Variants in SMG1 observed in about 807,000 individuals in gnomAD.
The protein encoded by SMG1 is serine/threonine-protein kinase SMG1.
A neutral mutation model predicts 419.9 loss-of-function variants in SMG1; 22 were observed. The ratio of observed to expected loss-of-function variants is 0.05; its 90% CI spans 0.04 to 0.07. The LOEUF (loss-of-function observed/expected upper bound fraction) is 0.07. Among genes scored for constraint, SMG1 ranks in the 10% least tolerant of loss-of-function variants. The pLI is 1.00. For synonymous variants in SMG1, 1,538 were observed against 1,553.5 expected, an observed-to-expected ratio of 0.99 and a Z score of 0.23; for missense variants, 3,185 against 4,342.0, an observed-to-expected ratio of 0.73 and a Z score of 7.49.
chr16:18,872,372 T>C (rs1305241614), intron 14 of SMG1, 27 bp from the exon 15 acceptor site: 1 of 1,537,612 alleles, frequency 6.5e-7, no homozygotes, highest in Non-Finnish European at 8.7e-7. Flanking sequence ...AGATTATCTT[T>C]TCATCTTTAA....
chr16:18,917,638 C>T (rs1389477296), intron 1 of SMG1, among the ~76,000 whole-genome samples: 2 of 151,508 alleles, frequency 1.3e-5, no homozygotes, highest in East Asian at 2.0e-4. Flanking sequence ...AGTGCAACGG[C>T]GCAATTTCAG....
Position 18,815,484 on chromosome 16 carries a change from C to G in SMG1, c.10470G>C (p.Gln3490His), listed in dbSNP as rs267604425. Reference sequence around the variant, plus strand: ...GTTCTTTCAAGGTGGGAGTGATTTCCTGGAGCATTTCAACGTGTTCTTGAC... The same window carrying G: ...GTTCTTTCAAGGTGGGAGTGATTTCGTGGAGCATTTCAACGTGTTCTTGAC... ...VRSQEHVEML[Q>H]EITPTLKELK... is the part of the protein sequence containing the mutation. The change falls in exon 59 of 63, where the codon CAG becomes CAC. Residue 3490 changes from glutamine (Q) to histidine (H), a missense_variant. Physicochemically the swap from Gln to His is conservative, Grantham distance 24. Coordinates refer to ENST00000446231, the MANE Select transcript of SMG1 (RefSeq NM_015092.5). The G allele has an allele frequency of 1.2e-6, 2 of 1,613,810 alleles. No individual in the cohort carries two copies. Among genetic ancestry groups the G allele is most frequent in the African/African-American group, 2.7e-5 (2 of 74,896 alleles).
At chr16:18,899,243 A>C (rs189149548) in intron 1 of SMG1, among the ~76,000 whole-genome samples, 2 of 152,276 alleles carry the variant, frequency 1.3e-5, no homozygotes, top group Non-Finnish European at 1.5e-5. Context: ...ACTACGAAGC[A>C]TCTGATTTCA....
chr16:18,911,995 C>T (rs774454681), intron 1 of SMG1, among the ~76,000 whole-genome samples: 3 of 150,476 alleles, frequency 2.0e-5, no homozygotes, highest in African/African-American at 7.3e-5. Flanking sequence ...GCAGGAGAAT[C>T]GCTTGAACCC....
At position 18,887,516 on chromosome 16, in the gene SMG1, C is replaced by CTTTGTTTTTTTTTTTTTTTTT. The variant is rs749197007; in HGVS notation, c.823-1851_823-1850insAAAAAAAAAAAAAAAAACAAA. On this transcript the variant is annotated intron_variant, in intron 6 of 62. Coordinates refer to ENST00000446231, the MANE Select transcript of SMG1 (RefSeq NM_015092.5). Reference sequence around the variant, plus strand: ...ACCACGCCCGACTTATTTTTTTTTCCTTTTTTTTTTTTTTTTTAATAGAAA... The same window carrying CTTTGTTTTTTTTTTTTTTTTT: ...ACCACGCCCGACTTATTTTTTTTTCCTTTGTTTTTTTTTTTTTTTTTTTTTTTTTTTTTTTTTTAATAGAAA... 1.0e-4 allele frequency among the ~76,000 whole-genome samples: 11 copies of CTTTGTTTTTTTTTTTTTTTTT among 110,122 alleles called. 2 individuals carry two copies. The highest frequency in any genetic ancestry group is 2.5e-4 in the East Asian group (1 of 4,018). The allele number at this position is 110,122 out of a possible 152,430, so 72.2% of individuals were successfully genotyped here.
Position 18,819,381 on chromosome 16 carries a change from C to T in SMG1, c.9894+121G>A, listed in dbSNP as rs2032312686. The stretch of plus-strand genomic sequence containing the variant: ...CTGAAAGGCCCATCCGTCCCTCCTC[C>T]CAGGGCTGTGAGCCAGAACGTGGGC... On this transcript the variant is annotated intron_variant, in intron 56 of 62. Transcript: ENST00000446231. The T allele has an allele frequency of 4.7e-6, 5 of 1,058,134 alleles. No homozygotes were observed. In the Admixed American group the frequency reaches 6.5e-5, roughly 14 times the overall value. 65.5% of individuals were successfully genotyped at this position (1,058,134 alleles called of 1,614,324 possible). A position where few individuals can be genotyped will look rare whatever the true frequency, so the allele number is the denominator to read the frequency against.
intron 54 of SMG1, among the ~76,000 whole-genome samples, chr16:18,828,840 AAT>A (rs1323706054): frequency 6.6e-6 from 1 of 152,126 alleles, no homozygotes; most frequent in Non-Finnish European, 1.5e-5. Flanking sequence ...CTCTACTAAA[AAT>A]ACAAAATTAG....
Position 18,849,225 on chromosome 16 carries a change from T to A in SMG1, c.5615A>T (p.Gln1872Leu). ...ATTTGAATATTCCATACCTGAAGCC[T>A]GGGATTCACTACTAAGCGATATGGT... is the stretch of plus-strand genomic sequence containing the variant. Reference protein sequence around the residue: ...VGTISLSSESQASGNKFSTAI... With the variant: ...VGTISLSSESLASGNKFSTAI... The change falls in exon 36 of 63, where the codon CAG (glutamine) becomes CTG (leucine). Residue 1872 changes from glutamine (Q) to leucine (L), a missense_variant. This residue lies in a region of SMG1 where 130 missense variants were observed against 162.0 expected (regional missense o/e 0.80). Coordinates refer to ENST00000446231, the MANE Select transcript of SMG1 (RefSeq NM_015092.5). 6.2e-7 allele frequency: 1 copy of A among 1,601,080 alleles called. No individual in the cohort carries two copies. Among genetic ancestry groups the A allele is most frequent in the Non-Finnish European group, 8.5e-7 (1 of 1,171,696 alleles).
intron 1 of SMG1, chr16:18,900,040 T>C: frequency 1.3e-6 from 2 of 1,519,940 alleles, no homozygotes; most frequent in South Asian, 2.4e-5. Flanking sequence ...TTGCATCAAG[T>C]CAATCTGTAA....
rs1367432658 is a variant in SMG1 at position 18,806,026 on chromosome 16, G to A, written c.*3543C>T. 1 of 152,514 alleles carries A rather than the reference G, an allele frequency of 6.6e-6. No homozygotes were observed. The highest frequency in any genetic ancestry group is 2.4e-5 in the African/African-American group (1 of 41,394). 9.4% of individuals were successfully genotyped at this position (152,514 alleles called of 1,614,324 possible). A position where few individuals can be genotyped will look rare whatever the true frequency, so the allele number is the denominator to read the frequency against. ...CCCCAGAGTTAATTACAAAAATGTA[G>A]AGGAAAATAGGCCCGGAAGACTTTG... On this transcript the variant is annotated 3_prime_UTR_variant, in exon 63 of 63. Coordinates refer to ENST00000446231, the MANE Select transcript of SMG1 (RefSeq NM_015092.5).
At chr16:18,921,713 C>A (rs1291303884) in intron 1 of SMG1, among the ~76,000 whole-genome samples, 1 of 152,174 alleles carries the variant, frequency 6.6e-6, no homozygotes, top group African/African-American at 2.4e-5. Context: ...TTAGTACAGA[C>A]TGATAAAAGG....
intron 6 of SMG1, among the ~76,000 whole-genome samples, chr16:18,887,793 A>AAAAAC (rs2036696954): frequency 8.1e-6 from 1 of 123,008 alleles, no homozygotes; most frequent in African/African-American, 3.2e-5. Flanking sequence ...AAAAAAAAAA[A>AAAAAC]AAAAAACCCT....
intron 51 of SMG1, 146 bp from the exon 52 acceptor site, chr16:18,830,515 G>A (rs11642441): frequency 0.34 from 306,257 of 897,596 alleles, 56,337 homozygotes; most frequent in Non-Finnish European, 0.37. Flanking sequence ...TAGGCCGGGC[G>A]CGGTGGCTCA....
Position 18,866,684 on chromosome 16 carries a change from G to A in SMG1, c.3287C>T (p.Ser1096Leu), listed in dbSNP as rs1416631216. The change falls in exon 23 of 63, where the codon TCA becomes TTA. Residue 1096 changes from serine to leucine, a missense_variant. Physicochemically the swap from Ser to Leu is moderately radical, Grantham distance 145 (BLOSUM62 -2). Transcript: ENST00000446231. ...PEAIQGIAVWSSSIVGKNLLW... is the reference protein window; with the variant it reads ...PEAIQGIAVWLSSIVGKNLLW... ...AAGATTTTTTCCAACAATAGATGAT[G>A]ACCAGACAGCAATTCCCTGTATAGC... is the stretch of plus-strand genomic sequence containing the variant. The A allele has an allele frequency of 1.4e-5, 22 of 1,594,084 alleles. No homozygotes were observed. Among genetic ancestry groups the A allele is most frequent in the Non-Finnish European group, 1.9e-5 (22 of 1,176,684 alleles).
At chr16:18,903,290 T>A (rs2037419701) in intron 1 of SMG1, among the ~76,000 whole-genome samples, 1 of 152,160 alleles carries the variant, frequency 6.6e-6, no homozygotes, top group South Asian at 2.1e-4. Context: ...GGGCAGTAGA[T>A]CTGATTTTAA....
chr16:18,859,151 G>C lies in SMG1; in HGVS notation c.3984C>G (p.Ser1328=). ...ENVVKYLKQT[S]RIAIGPLRLS... is the part of the protein sequence containing the mutation. The stretch of plus-strand genomic sequence containing the variant: ...GTCTCAGAGGTCCAATAGCGATGCG[G>C]GATGTTTGCTTCAAGTACTTTACCA... Residue 1328 remains serine (S), a synonymous_variant, in exon 28 of 63, where the codon TCC becomes TCG. Coordinates refer to ENST00000446231, the MANE Select transcript of SMG1 (RefSeq NM_015092.5). The C allele has an allele frequency of 6.5e-7, 1 of 1,535,504 alleles. No individual in the cohort carries two copies. Among genetic ancestry groups the C allele is most frequent in the African/African-American group, 1.4e-5 (1 of 73,232 alleles).
chr16:18,921,676 C>T (rs1390202479), intron 1 of SMG1, among the ~76,000 whole-genome samples: 1 of 152,090 alleles, frequency 6.6e-6, no homozygotes, highest in Non-Finnish European at 1.5e-5. Flanking sequence ...TGTATTTCCC[C>T]GTATTATGTA....
chr16:18,809,398 A>G lies in SMG1; in HGVS notation c.*171T>C, dbSNP rs1180696165. On this transcript the variant is annotated 3_prime_UTR_variant, in exon 63 of 63. Transcript: ENST00000446231. ...TGGTGTTGGGCGTATCCCTGAGTGC[A>G]GCTGTCCTGCGGGATTCACTTCCTA... is the stretch of plus-strand genomic sequence containing the variant. 3.2e-6 allele frequency: 2 copies of G among 617,894 alleles called. No individual in the cohort carries two copies. Among genetic ancestry groups the G allele is most frequent in the African/African-American group, 3.7e-5 (2 of 54,100 alleles). The allele number at this position is 617,894 out of a possible 1,614,324, so 38.3% of individuals were successfully genotyped here. A position where few individuals can be genotyped will look rare whatever the true frequency, so the allele number is the denominator to read the frequency against.
rs1253915208 is a variant in SMG1 at position 18,867,460 on chromosome 16, G to A, written c.3196-685C>T. On this transcript the variant is annotated intron_variant, in intron 22 of 62. Transcript: ENST00000446231. ...AGAGGCTTGAACCTGAGAGGCAGAGGTTACAGTGAGCCGAGATCGCACAAC... is the reference window on the plus strand; with the variant it reads ...AGAGGCTTGAACCTGAGAGGCAGAGATTACAGTGAGCCGAGATCGCACAAC... 2.0e-5 allele frequency among the ~76,000 whole-genome samples: 3 copies of A among 151,540 alleles called. No homozygotes were observed. The South Asian group carries it at 6.3e-4, about 32-fold the overall frequency.
Sources: allele counts gnomAD v4.1 joint callset (sites outside exome capture counted in the v4.1 genomes callset), GRCh38; gene constraint gnomAD v4.1.1; regional missense constraint gnomAD v4.1.1; transcripts MANE v1.5; gene names NCBI Gene and HGNC (gene_info 2026-07-23, HGNC 2026-07-21).